The following HERC1 variants were observed in gnomAD, a reference collection of about 807,000 sequenced individuals.
The protein encoded by HERC1 is HECT and RLD domain containing E3 ubiquitin protein ligase family member 1, also known as probable E3 ubiquitin-protein ligase HERC1.
HERC1 carries 160 observed loss-of-function variants against 554.3 expected under a neutral mutation model. The ratio of observed to expected loss-of-function variants is 0.29; its 90% CI spans 0.25 to 0.33. The LOEUF (loss-of-function observed/expected upper bound fraction) is 0.33. Ranked by LOEUF, HERC1 falls within the 10% of genes least tolerant of loss-of-function variation. HERC1 has a pLI of 1.00. For synonymous variants in HERC1, 2,175 were observed against 2,131.7 expected, an observed-to-expected ratio of 1.02 and a Z score of -0.56; for missense variants, 4,919 against 5,918.5, an observed-to-expected ratio of 0.83 and a Z score of 5.54.
In HERC1 at chr15:63,734,240, C is replaced by A. The variant is rs968148871; in HGVS notation, c.2646+484G>T. On this transcript the variant is annotated intron_variant, in intron 13 of 77. Coordinates refer to ENST00000443617, the MANE Select transcript of HERC1 (RefSeq NM_003922.4). The surrounding 1 kb of genome is among the most constrained non-coding windows in gnomAD (Gnocchi z 4.6). ...CAAATAAGTACCAATTTTTTTTCCTCAAATCTGTATCTCTGAATCTGATAA... is the reference window on the plus strand; with the variant it reads ...CAAATAAGTACCAATTTTTTTTCCTAAAATCTGTATCTCTGAATCTGATAA... Among the ~76,000 whole-genome samples the A allele has an allele frequency of 2.0e-5, 3 of 151,968 alleles. No homozygotes were observed. Among genetic ancestry groups the A allele is most frequent in the African/African-American group, 7.2e-5 (3 of 41,384 alleles).
intron 38 of HERC1, among the ~76,000 whole-genome samples, chr15:63,673,154 A>G (rs1361378398): frequency 6.6e-6 from 1 of 152,212 alleles, no homozygotes; most frequent in Non-Finnish European, 1.5e-5. Flanking sequence ...ACAATTTAAA[A>G]AGGACAATTT....
At chr15:63,691,609 T>C (rs1446208114) in intron 31 of HERC1, among the ~76,000 whole-genome samples, 4 of 152,148 alleles carry the variant, frequency 2.6e-5, no homozygotes, top group African/African-American at 9.7e-5. Context: ...CTTTATCCTC[T>C]TGAAACTTAA....
At chr15:63,696,092 A>T in intron 27 of HERC1, 32 bp downstream of exon 27, 1 of 1,467,102 alleles carries the variant, frequency 6.8e-7, no homozygotes, top group Non-Finnish European at 9.5e-7. Context: ...AATGACAGTT[A>T]AAATCTGTAT....
intron 13 of HERC1, among the ~76,000 whole-genome samples, chr15:63,733,865 A>G (rs1210833950): frequency 6.6e-6 from 1 of 151,692 alleles, no homozygotes; most frequent in Non-Finnish European, 1.5e-5. Context: ...AAGAAAAATA[A>G]AAAAATCACC....
intron 26 of HERC1, 26 bp from the exon 27 acceptor site, chr15:63,696,365 GTTC>G: frequency 1.3e-6 from 2 of 1,527,132 alleles, no homozygotes; most frequent in Non-Finnish European, 1.8e-6. Flanking sequence ...ATATTTTAGA[GTTC>G]TTCACTTAAC....
chr15:63,689,196 G>C (rs1015170604), intron 33 of HERC1, among the ~76,000 whole-genome samples: 1 of 150,718 alleles, frequency 6.6e-6, no homozygotes, highest in African/African-American at 2.4e-5. Flanking sequence ...AGTAAGAAGT[G>C]GAAAAAAAAG....
chr15:63,609,210 C>T lies in HERC1; in HGVS notation c.14457G>A (p.Pro4819=), dbSNP rs368675679. Residue 4819 remains proline (P), a synonymous_variant, in exon 78 of 78, where the codon CCG becomes CCA. Coordinates refer to ENST00000443617, the MANE Select transcript of HERC1 (RefSeq NM_003922.4). The part of the protein sequence containing the change: ...QTCFFQLRLP[P]YSSQLVMAER... The stretch of plus-strand genomic sequence containing the variant: ...CGGCCATGACCAGCTGGCTGGAGTA[C>T]GGGGGCAGCCTCAGCTGGAAGAAGC... 9 of 1,613,444 alleles carry T rather than the reference C, an allele frequency of 5.6e-6. No homozygotes were observed. The highest frequency in any genetic ancestry group is 3.3e-5 in the South Asian group (3 of 90,898).
chr15:63,675,336 A>G (rs1286077464), intron 37 of HERC1, among the ~76,000 whole-genome samples: 2 of 152,264 alleles, frequency 1.3e-5, no homozygotes, highest in African/African-American at 4.8e-5. Context: ...AGATGCTTTC[A>G]AATAAGAATA....
At chr15:63,761,486 C>A (rs1442448702) in intron 3 of HERC1, among the ~76,000 whole-genome samples, 1 of 151,436 alleles carries the variant, frequency 6.6e-6, no homozygotes, top group East Asian at 1.9e-4. Context: ...ACTTGGGAGG[C>A]TGAGGCTGGA....
chr15:63,802,044 G>A (rs2144815649), intron 1 of HERC1, among the ~76,000 whole-genome samples: 1 of 152,300 alleles, frequency 6.6e-6, no homozygotes. Flanking sequence ...AGAATCATAA[G>A]AGAAAGTGTC....
In HERC1 at chr15:63,669,540, G is replaced by A; in HGVS notation, c.8204C>T (p.Thr2735Ile). 6.2e-7 allele frequency: 1 copy of A among 1,613,718 alleles called. No homozygotes were observed. Among genetic ancestry groups the A allele is most frequent in the South Asian group, 1.1e-5 (1 of 91,072 alleles). ...ATAGTGCATATCAGCACACGCACCT[G>A]TGCGGTTAGCTGGCCTTGCTGACTG... The part of the protein sequence containing the change: ...DSQSARPANR[T>I]ALSDPSSRLS... The change falls in exon 40 of 78, where the codon ACA becomes ATA. Residue 2735 changes from threonine to isoleucine, a missense_variant and splice_region_variant. Around this residue, in one of 11 missense-constraint regions of HERC1, gnomAD observed 1,963 missense variants for 2,228.6 expected, o/e 0.88. Coordinates refer to ENST00000443617, the MANE Select transcript of HERC1 (RefSeq NM_003922.4).
Position 63,764,083 on chromosome 15 carries a change from G to T in HERC1, c.1026+13C>A. 1 of 1,564,100 alleles carries T rather than the reference G, an allele frequency of 6.4e-7. No individual in the cohort carries two copies. The highest frequency in any genetic ancestry group is 8.8e-7 in the Non-Finnish European group (1 of 1,141,430). On this transcript the variant is annotated intron_variant, in intron 3 of 77. Coordinates refer to ENST00000443617, the MANE Select transcript of HERC1 (RefSeq NM_003922.4). ...ACAAAGTTGTTAATACAAAAGCCAC[G>T]ATTATTACGTACCTCTTCAAAGAGA... is the stretch of plus-strand genomic sequence containing the variant.
chr15:63,659,224 T>G (rs1337061692), intron 47 of HERC1, among the ~76,000 whole-genome samples: 2 of 150,976 alleles, frequency 1.3e-5, no homozygotes, highest in Non-Finnish European at 3.0e-5. Flanking sequence ...ATTGCTTCGG[T>G]ATCATGAAAG....
At chr15:63,623,618 A>G in intron 73 of HERC1, 107 bp downstream of exon 73, 2 of 1,086,132 alleles carry the variant, frequency 1.8e-6, no homozygotes, top group Non-Finnish European at 2.7e-6. Context: ...TCACAAATGC[A>G]TCCTTGCTAC....
chr15:63,678,153 C>T lies in HERC1; in HGVS notation c.6762G>A (p.Lys2254=). The T allele has an allele frequency of 6.2e-7, 1 of 1,613,972 alleles. No individual in the cohort carries two copies. The highest frequency in any genetic ancestry group is 1.1e-5 in the South Asian group (1 of 91,082). The change falls in exon 37 of 78, where the codon AAG becomes AAA. Residue 2254 remains lysine, a synonymous_variant. Coordinates refer to ENST00000443617, the MANE Select transcript of HERC1 (RefSeq NM_003922.4). ...IKICIKESGQ[K]LKKSRSVQSR... ...TCTGAACCGAGCGGCTTTTCTTTAG[C>T]TTCTGACCTGACTCTTTAATACATA... is the stretch of plus-strand genomic sequence containing the variant.
chr15:63,753,849 G>C (rs1237234387), intron 7 of HERC1, among the ~76,000 whole-genome samples: 2 of 152,070 alleles, frequency 1.3e-5, no homozygotes, highest in Non-Finnish European at 2.9e-5. Context: ...CCATTTAAAA[G>C]AATGATGTAG....
chr15:63,706,710 A>G, intron 25 of HERC1, 70 bp downstream of exon 25: 2 of 804,198 alleles, frequency 2.5e-6, no homozygotes, highest in Non-Finnish European at 3.7e-6. Context: ...TTTATTTACT[A>G]TGCTCTTTTT....
chr15:63,702,037 T>G (rs2072748246), intron 25 of HERC1, among the ~76,000 whole-genome samples: 1 of 152,192 alleles, frequency 6.6e-6, no homozygotes, highest in Admixed American at 6.5e-5. Flanking sequence ...AGTTTGGTTT[T>G]TAAATGGAAT....
chr15:63,617,259 T>C (rs962687261), intron 74 of HERC1, among the ~76,000 whole-genome samples: 22 of 152,042 alleles, frequency 1.4e-4, no homozygotes, highest in Admixed American at 1.4e-3. Flanking sequence ...GAACACGAAG[T>C]GTTTGGTTTT....
Sources: gnomAD v4.1 joint callset for allele counts (sites outside exome capture counted in the v4.1 genomes callset) on GRCh38, gnomAD v4.1.1 for gene constraint, gnomAD v4.1.1 regional missense constraint, Gnocchi (gnomAD v3.1) non-coding constraint, MANE v1.5 for transcripts, NCBI Gene and HGNC (gene_info 2026-07-23, HGNC 2026-07-21) for gene names.